Variants in IMMP2L observed in about 807,000 individuals in gnomAD.
IMMP2L encodes the protein mitochondrial inner membrane protease subunit 2.
Under a neutral mutation model 19.3 loss-of-function variants are expected in IMMP2L, and 18 were observed. The observed-to-expected ratio is 0.93, with a 90% CI of 0.64 to 1.38. IMMP2L has a LOEUF of 1.38. Ranked by LOEUF, IMMP2L falls within the 40% of genes most tolerant of loss-of-function variation. The pLI, the probability that IMMP2L is intolerant of heterozygous loss-of-function variation, is 0.00. For missense variants in IMMP2L, 233 were observed against 218.2 expected (o/e 1.07, Z -0.43); for synonymous variants, 76 against 73.0 (o/e 1.04, Z -0.21).
intron 5 of IMMP2L, among the ~76,000 whole-genome samples, chr7:110,776,818 A>G (rs181847180): frequency 2.5e-3 from 379 of 152,102 alleles, no homozygotes; most frequent in Non-Finnish European, 4.0e-3. Context: ...TTATGCCTCA[A>G]GTTGAAAAGA....
intron 5 of IMMP2L, among the ~76,000 whole-genome samples, chr7:110,831,823 T>C (rs1803996193): frequency 6.6e-6 from 1 of 152,214 alleles, no homozygotes; most frequent in Non-Finnish European, 1.5e-5. Context: ...CCAGGTATTC[T>C]TTCCAGGTGA....
At chr7:111,556,035 T>TATATATATATATACACACACAC (rs1554550178) in intron 1 of IMMP2L, among the ~76,000 whole-genome samples, 2 of 135,734 alleles carry the variant, frequency 1.5e-5, no homozygotes, top group African/African-American at 5.5e-5. Flanking sequence ...TATATATATA[T>TATATATATATATACACACACAC]ACATACCCAA....
chr7:111,386,292 A>G (rs1831744532), intron 3 of IMMP2L, among the ~76,000 whole-genome samples: 1 of 152,152 alleles, frequency 6.6e-6, no homozygotes, highest in Admixed American at 6.5e-5. Context: ...CCCAATCCTT[A>G]ATATCATTGC....
intron 5 of IMMP2L, among the ~76,000 whole-genome samples, chr7:110,701,867 T>G (rs1794312360): frequency 6.6e-6 from 1 of 152,220 alleles, no homozygotes; most frequent in Admixed American, 6.5e-5. Context: ...TTACGGTATA[T>G]TAGCTCTAAT....
chr7:110,747,899 G>A (rs1317364523), intron 5 of IMMP2L, among the ~76,000 whole-genome samples: 1 of 152,152 alleles, frequency 6.6e-6, no homozygotes, highest in African/African-American at 2.4e-5. Context: ...TCTGGCCAGG[G>A]CAATCAGGCA....
At chr7:111,343,915 A>T (rs1052257494) in intron 3 of IMMP2L, among the ~76,000 whole-genome samples, 1 of 152,010 alleles carries the variant, frequency 6.6e-6, no homozygotes, top group Non-Finnish European at 1.5e-5. Context: ...CAGAAAACTG[A>T]TCGTGGTCAT....
chr7:111,157,537 T>C (rs1398764847), intron 3 of IMMP2L, among the ~76,000 whole-genome samples: 2 of 152,010 alleles, frequency 1.3e-5, no homozygotes, highest in African/African-American at 2.4e-5. Context: ...ATGCAACTCA[T>C]AGAGGTAGAG....
intron 5 of IMMP2L, among the ~76,000 whole-genome samples, chr7:110,797,892 A>T (rs1268351199): frequency 2.0e-5 from 3 of 152,002 alleles, no homozygotes; most frequent in East Asian, 1.9e-4. Flanking sequence ...CCTAAAAATC[A>T]GTTGTTTTGA....
intron 3 of IMMP2L, among the ~76,000 whole-genome samples, chr7:111,109,707 G>A (rs214880): frequency 0.11 from 16,499 of 152,180 alleles, 2,178 homozygotes; most frequent in African/African-American, 0.32. Context: ...AGGGGAATCA[G>A]ATAAGGTCAT....
intron 5 of IMMP2L, among the ~76,000 whole-genome samples, chr7:110,739,298 G>C (rs1401061095): frequency 1.3e-5 from 2 of 152,070 alleles, no homozygotes; most frequent in African/African-American, 2.4e-5. Flanking sequence ...CACCAACCAA[G>C]TTTCTGCTGT....
intron 3 of IMMP2L, among the ~76,000 whole-genome samples, chr7:111,079,662 TG>T (rs1795724598): frequency 6.6e-6 from 1 of 152,190 alleles, no homozygotes; most frequent in Non-Finnish European, 1.5e-5. Context: ...CCTAACTTTA[TG>T]ATTATACATA....
intron 5 of IMMP2L, among the ~76,000 whole-genome samples, chr7:110,680,187 C>T (rs1352972003): frequency 6.6e-6 from 1 of 152,164 alleles, no homozygotes; most frequent in Non-Finnish European, 1.5e-5. Flanking sequence ...TTAGATTACA[C>T]AGAAGTTTAG....
chr7:111,464,543 A>G (rs1563224389), intron 3 of IMMP2L, among the ~76,000 whole-genome samples: 1 of 152,186 alleles, frequency 6.6e-6, no homozygotes, highest in Non-Finnish European at 1.5e-5. Context: ...TATATGCCAA[A>G]TTACTTACAT....
At chr7:111,239,956 C>T (rs1814805870) in intron 3 of IMMP2L, among the ~76,000 whole-genome samples, 1 of 151,838 alleles carries the variant, frequency 6.6e-6, no homozygotes, top group Non-Finnish European at 1.5e-5. Context: ...CTTAAGGAAA[C>T]ACCTTTTGTC....
chr7:111,243,135 A>G (rs1815341581), intron 3 of IMMP2L, among the ~76,000 whole-genome samples: 1 of 152,148 alleles, frequency 6.6e-6, no homozygotes, highest in Non-Finnish European at 1.5e-5. Flanking sequence ...TTGAGAAGAA[A>G]CAACAGGAAT....
chr7:111,173,067 C>T (rs571635735), intron 3 of IMMP2L, among the ~76,000 whole-genome samples: 2 of 151,660 alleles, frequency 1.3e-5, no homozygotes, highest in Admixed American at 6.6e-5. Flanking sequence ...CAAAGAATAA[C>T]TGAGAGTTTA....
intron 3 of IMMP2L, among the ~76,000 whole-genome samples, chr7:111,033,900 A>G (rs1169451390): frequency 6.6e-6 from 1 of 152,182 alleles, no homozygotes; most frequent in Non-Finnish European, 1.5e-5. Flanking sequence ...GGTAATATCC[A>G]TATTATGGAA....
intron 3 of IMMP2L, among the ~76,000 whole-genome samples, chr7:111,164,843 T>C (rs1204333032): frequency 6.6e-6 from 1 of 152,046 alleles, no homozygotes; most frequent in Non-Finnish European, 1.5e-5. Context: ...TTTTGCTAGG[T>C]TATTTATTGT....
chr7:110,669,100 T>TAGAG (rs1242788552), intron 5 of IMMP2L, among the ~76,000 whole-genome samples: 19 of 127,674 alleles, frequency 1.5e-4, no homozygotes, highest in African/African-American at 7.9e-4. Flanking sequence ...TATATGTATA[T>TAGAG]ATATATATAG....
Sources: gnomAD v4.1 joint callset for allele counts (sites outside exome capture counted in the v4.1 genomes callset) on GRCh38, gnomAD v4.1.1 for gene constraint, MANE v1.5 for transcripts, NCBI Gene and HGNC (gene_info 2026-07-23, HGNC 2026-07-21) for gene names.